GPC3: variants seen among roughly 807,000 people sequenced by gnomAD.
GPC3 encodes glypican 3, also known as glypican-3.
GPC3 carries 3 observed loss-of-function variants against 34.4 expected under a neutral mutation model. The ratio of observed to expected loss-of-function variants is 0.09; its 90% CI spans 0.04 to 0.23. The LOEUF is 0.23. Ranked by LOEUF, GPC3 falls within the 10% of genes least tolerant of loss-of-function variation. The pLI, the probability that GPC3 is intolerant of heterozygous loss-of-function variation, is 1.00. For synonymous variants in GPC3, 177 were observed against 174.0 expected (o/e 1.02, Z -0.13); for missense variants, 351 against 445.6 (o/e 0.79, Z 1.91).
At chrX:133,843,503 C>T (rs2075834280) in intron 2 of GPC3, among the ~76,000 whole-genome samples, 1 of 111,577 alleles carries the variant, frequency 9.0e-6, no homozygotes, top group Admixed American at 9.6e-5. Flanking sequence ...GCTTCCTGTA[C>T]AGCCAGTAGA....
chrX:133,858,490 T>C (rs905758348), intron 2 of GPC3, among the ~76,000 whole-genome samples: 1 of 111,775 alleles, frequency 8.9e-6, no homozygotes, highest in African/African-American at 3.3e-5. Context: ...CACTCTCATA[T>C]ATCTCTCTCT....
At chrX:133,717,043 C>T (rs2071320834) in intron 3 of GPC3, among the ~76,000 whole-genome samples, 1 of 110,784 alleles carries the variant, frequency 9.0e-6, no homozygotes, top group South Asian at 4.0e-4. Context: ...TCATTGCAAC[C>T]TCTTCCTCCA....
chrX:133,606,487 T>A (rs1318286420), intron 6 of GPC3, among the ~76,000 whole-genome samples: 18 of 112,101 alleles, frequency 1.6e-4, no homozygotes, highest in Non-Finnish European at 1.1e-4. Flanking sequence ...GGTGGAGTGA[T>A]CACAGCTTAC....
intron 6 of GPC3, among the ~76,000 whole-genome samples, chrX:133,651,105 A>G (rs1443229213): frequency 8.9e-6 from 1 of 111,925 alleles, no homozygotes; most frequent in Non-Finnish European, 1.9e-5. Flanking sequence ...ACAAAAACTC[A>G]TGTGGAGCAG....
intron 2 of GPC3, among the ~76,000 whole-genome samples, chrX:133,907,740 A>T (rs967924338): frequency 6.3e-5 from 7 of 111,373 alleles, no homozygotes; most frequent in African/African-American, 2.3e-4. Flanking sequence ...CTCCGTTCAT[A>T]AAGCTTTTCT....
intron 2 of GPC3, among the ~76,000 whole-genome samples, chrX:133,766,447 T>G (rs1037673273): frequency 1.4e-4 from 16 of 112,173 alleles, no homozygotes; most frequent in Non-Finnish European, 2.1e-4. Context: ...TACCATATAG[T>G]TATAAAAGTA....
chrX:133,849,152 T>A (rs1340475622), intron 2 of GPC3, among the ~76,000 whole-genome samples: 1 of 92,471 alleles, frequency 1.1e-5, no homozygotes, highest in Non-Finnish European at 2.1e-5. Context: ...TGGAGTGCAG[T>A]GGCGCTACCT....
At chrX:133,586,423 A>G (rs1198830983) in intron 7 of GPC3, among the ~76,000 whole-genome samples, 1 of 111,720 alleles carries the variant, frequency 9.0e-6, no homozygotes, top group Non-Finnish European at 1.9e-5. Flanking sequence ...TATTATGGTG[A>G]GCTTTGCTTC....
chrX:133,771,373 G>A (rs1180191619), intron 2 of GPC3, among the ~76,000 whole-genome samples: 5 of 112,513 alleles, frequency 4.4e-5, no homozygotes, highest in Non-Finnish European at 9.4e-5. Flanking sequence ...TCCCTAATGA[G>A]GTCGTCTGAT....
At chrX:133,921,003 A>G (rs954876071) in intron 2 of GPC3, among the ~76,000 whole-genome samples, 7 of 111,846 alleles carry the variant, frequency 6.3e-5, no homozygotes, top group African/African-American at 2.3e-4. Context: ...ACCACATTGC[A>G]TTTACTTGCT....
At chrX:133,818,765 C>T (rs905899849) in intron 2 of GPC3, among the ~76,000 whole-genome samples, 4 of 111,373 alleles carry the variant, frequency 3.6e-5, no homozygotes, top group African/African-American at 1.3e-4. Flanking sequence ...TGGCAATGAA[C>T]GGCTACCCAG....
rs376960115 is a variant in GPC3, at chrX:133,602,544, C to G, written c.1414-5945G>C. Among the ~76,000 whole-genome samples, 8 of 111,543 alleles carry G rather than the reference C, an allele frequency of 7.2e-5. No homozygotes were observed. In the East Asian group the frequency reaches 8.5e-4, roughly 12 times the overall value. On this transcript the variant is annotated intron_variant, in intron 6 of 7. Coordinates refer to ENST00000370818, the MANE Select transcript of GPC3 (RefSeq NM_004484.4). ...AGTTTCATTCTGAAACCATCACATC[C>G]CTGGTCCGTGGCAAAATTGTCTTCT...
intron 2 of GPC3, among the ~76,000 whole-genome samples, chrX:133,882,118 G>T (rs745788694): frequency 4.5e-5 from 5 of 111,842 alleles, no homozygotes; most frequent in African/African-American, 1.3e-4. Flanking sequence ...TCCTTTAGTC[G>T]GAGGACCAAG....
At chrX:133,961,703 T>A (rs955294941) in intron 1 of GPC3, among the ~76,000 whole-genome samples, 14 of 111,853 alleles carry the variant, frequency 1.3e-4, no homozygotes, top group Middle Eastern at 4.2e-3. Context: ...GAAAATGGAC[T>A]CTCAAATTAA....
intron 7 of GPC3, among the ~76,000 whole-genome samples, chrX:133,570,181 G>A (rs1302689404): frequency 5.5e-5 from 6 of 109,069 alleles, no homozygotes; most frequent in Non-Finnish European, 1.1e-4. Flanking sequence ...TTGAGCCACC[G>A]CGCCCGGCCT....
chrX:133,704,301 A>G, intron 3 of GPC3: 1 of 959,903 alleles, frequency 1.0e-6, no homozygotes, highest in African/African-American at 2.0e-5. Flanking sequence ...GGTGAAAATT[A>G]CTTTCTGAAT....
chrX:133,632,890 G>C (rs370258021), intron 6 of GPC3, among the ~76,000 whole-genome samples: 1 of 111,316 alleles, frequency 9.0e-6, no homozygotes, highest in Non-Finnish European at 1.9e-5. Context: ...GTGTGTCTGT[G>C]TGTGTGCACG....
At chrX:133,588,952 C>T (rs769513241) in intron 7 of GPC3, among the ~76,000 whole-genome samples, 8 of 111,538 alleles carry the variant, frequency 7.2e-5, no homozygotes, top group African/African-American at 2.6e-4. Context: ...GCTTCCTCCA[C>T]AGTACTGCTG....
At chrX:133,611,510 ATTTC>A (rs1306995588) in intron 6 of GPC3, among the ~76,000 whole-genome samples, 2 of 111,916 alleles carry the variant, frequency 1.8e-5, no homozygotes, top group Middle Eastern at 4.6e-3. Flanking sequence ...TCTCCTATTC[ATTTC>A]TTTCTATCTA....
Sources: allele counts gnomAD v4.1 joint callset (sites outside exome capture counted in the v4.1 genomes callset), GRCh38; gene constraint gnomAD v4.1.1; transcripts MANE v1.5; gene names NCBI Gene and HGNC (gene_info 2026-07-23, HGNC 2026-07-21).